The following ITPR1 variants were observed in gnomAD, a reference collection of about 807,000 sequenced individuals.
ITPR1 encodes inositol 1,4,5-trisphosphate receptor type 1.
In ITPR1, 96 loss-of-function variants were observed where a neutral mutation model predicts 318.4. The ratio of observed to expected loss-of-function variants is 0.30; its 90% CI spans 0.26 to 0.36. The LOEUF (loss-of-function observed/expected upper bound fraction) is 0.36. ITPR1 is among the 10% of genes least tolerant of loss of function. The pLI is 1.00. For missense variants in ITPR1, 2,440 were observed against 3,460.2 expected (o/e 0.71, Z 7.40); for synonymous variants, 1,312 against 1,289.9 (o/e 1.02, Z -0.37).
At chr3:4,636,772 C>T (rs1245340721) in intron 5 of ITPR1, among the ~76,000 whole-genome samples, 1 of 152,182 alleles carries the variant, frequency 6.6e-6, no homozygotes, top group Non-Finnish European at 1.5e-5. Context: ...TATTTATTCT[C>T]CAATGTTGTT....
rs547295188 is a variant in ITPR1 at position 4,574,225 on chromosome 3, T to A, written c.163+53131T>A. On this transcript the variant is annotated intron_variant, in intron 4 of 61. Transcript: ENST00000649015. ...TCTTTTTTTTTTTTTCAGCCTCTTA[T>A]TGAAAAAAAAATTCAGGGATTGATG... Among the ~76,000 whole-genome samples, 351 of 151,922 alleles carry A rather than the reference T, an allele frequency of 2.3e-3. 2 individuals carry two copies. The highest frequency in any genetic ancestry group is 8.0e-3 in the African/African-American group (333 of 41,472).
chr3:4,605,278 ATAT>A (rs1335453249), intron 4 of ITPR1, among the ~76,000 whole-genome samples: 1 of 152,150 alleles, frequency 6.6e-6, no homozygotes, highest in African/African-American at 2.4e-5. Context: ...GGGGGACCAC[ATAT>A]TATTTTAAAA....
chr3:4,636,041 G>C (rs1158176176), intron 5 of ITPR1, among the ~76,000 whole-genome samples: 1 of 151,830 alleles, frequency 6.6e-6, no homozygotes, highest in East Asian at 1.9e-4. Flanking sequence ...TGTATTTTTA[G>C]TAGAGATGGG....
chr3:4,827,942 G>A (rs954526111), intron 60 of ITPR1, among the ~76,000 whole-genome samples: 1 of 151,942 alleles, frequency 6.6e-6, no homozygotes, highest in Non-Finnish European at 1.5e-5. Flanking sequence ...TCTTCATGAA[G>A]TCCTGTAGAT....
At chr3:4,775,536 G>A in intron 47 of ITPR1, 94 bp downstream of exon 47, 1 of 930,870 alleles carries the variant, frequency 1.1e-6, no homozygotes, top group Middle Eastern at 2.3e-4. Flanking sequence ...GCCTGTGCCT[G>A]TTGGCCTAGG....
intron 4 of ITPR1, among the ~76,000 whole-genome samples, chr3:4,554,840 T>C (rs2085968399): frequency 6.6e-6 from 1 of 152,146 alleles, no homozygotes; most frequent in African/African-American, 2.4e-5. Flanking sequence ...TGAATGATAG[T>C]GTAAATACAT....
At chr3:4,770,085 C>T (rs1217656649) in intron 46 of ITPR1, among the ~76,000 whole-genome samples, 2 of 152,180 alleles carry the variant, frequency 1.3e-5, no homozygotes, top group Non-Finnish European at 1.5e-5. Context: ...ACACTCCAGT[C>T]AGCCGTGGTA....
intron 61 of ITPR1, among the ~76,000 whole-genome samples, chr3:4,844,465 T>G (rs938022764): frequency 6.6e-6 from 1 of 152,196 alleles, no homozygotes; most frequent in African/African-American, 2.4e-5. Context: ...ACACTTGAGA[T>G]TATCCAAATT....
chr3:4,543,859 T>A (rs1429528550), intron 4 of ITPR1, among the ~76,000 whole-genome samples: 1 of 152,210 alleles, frequency 6.6e-6, no homozygotes, highest in Non-Finnish European at 1.5e-5. Flanking sequence ...ATAGGCAATA[T>A]CTTATGTAGT....
intron 57 of ITPR1, 106 bp downstream of exon 57, chr3:4,813,340 G>C (rs2049064107): frequency 1.3e-6 from 1 of 742,782 alleles, no homozygotes; most frequent in Non-Finnish European, 2.2e-6. Flanking sequence ...TCAGGAGTAA[G>C]GCTATAGCAA....
At chr3:4,517,694 G>C (rs1404071684) in intron 3 of ITPR1, among the ~76,000 whole-genome samples, 1 of 152,108 alleles carries the variant, frequency 6.6e-6, no homozygotes, top group African/African-American at 2.4e-5. Context: ...TTCTACATTT[G>C]ACCTCTCTCC....
chr3:4,504,989 C>A (rs2081298363), intron 2 of ITPR1, among the ~76,000 whole-genome samples: 1 of 151,278 alleles, frequency 6.6e-6, no homozygotes. Flanking sequence ...TGTGAAAGAC[C>A]TCATGGTTTG....
intron 4 of ITPR1, among the ~76,000 whole-genome samples, chr3:4,609,001 T>TAAAAAAAAAAAAAAAAAAAAAAA (rs56738231): frequency 1.9e-5 from 1 of 53,426 alleles, no homozygotes; most frequent in Non-Finnish European, 3.9e-5. Flanking sequence ...ACTCCGTCTT[T>TAAAAAAAAAAAAAAAAAAAAAAA]AAAAAAAAAA....
intron 10 of ITPR1, among the ~76,000 whole-genome samples, chr3:4,649,988 G>A (rs2093556712): frequency 6.6e-6 from 1 of 152,158 alleles, no homozygotes; most frequent in African/African-American, 2.4e-5. Flanking sequence ...AATAATGAGA[G>A]GACACACACA....
chr3:4,670,740 C>G lies in ITPR1; in HGVS notation c.2018C>G (p.Ser673Cys). 8 of 1,588,664 alleles carry G rather than the reference C, an allele frequency of 5.0e-6. No individual in the cohort carries two copies. The highest frequency in any genetic ancestry group is 6.9e-6 in the Non-Finnish European group (8 of 1,166,204). ...DILIETKLVL[S>C]RFEFEGVSST... Reference sequence around the variant, plus strand: ...CTCTTGTTTTCTAGGTTGGTTCTTTCTCGTTTTGAATTTGAAGGTGTCTCT... The same window carrying G: ...CTCTTGTTTTCTAGGTTGGTTCTTTGTCGTTTTGAATTTGAAGGTGTCTCT... The change falls in exon 20 of 62, where the codon TCT becomes TGT. Residue 673 changes from serine to cysteine, a missense_variant. Ser to Cys is a moderately radical substitution (Grantham distance 112). This residue lies in a region of ITPR1 where 478 missense variants were observed against 696.3 expected (regional missense o/e 0.69). Transcript: ENST00000649015.
intron 4 of ITPR1, among the ~76,000 whole-genome samples, chr3:4,593,485 T>C (rs914331093): frequency 2.0e-5 from 3 of 152,222 alleles, no homozygotes; most frequent in Admixed American, 6.5e-5. Context: ...TTGCATTTTA[T>C]AGTTTGTCTA....
intron 7 of ITPR1, among the ~76,000 whole-genome samples, chr3:4,642,471 A>G (rs1269206227): frequency 6.6e-6 from 1 of 152,214 alleles, no homozygotes; most frequent in Non-Finnish European, 1.5e-5. Context: ...GATGTCTGAA[A>G]ACATTGTATG....
chr3:4,712,993 A>C (rs183576369), intron 39 of ITPR1, among the ~76,000 whole-genome samples: 111 of 152,288 alleles, frequency 7.3e-4, no homozygotes, highest in African/African-American at 2.6e-3. Flanking sequence ...AAATGATGGA[A>C]GTGAAGACCC....
intron 5 of ITPR1, among the ~76,000 whole-genome samples, chr3:4,638,515 A>G (rs1023175160): frequency 6.6e-6 from 1 of 152,230 alleles, no homozygotes; most frequent in African/African-American, 2.4e-5. Context: ...AGCATGTCAC[A>G]TTTGGAATGG....
Sources: allele counts gnomAD v4.1 joint callset (sites outside exome capture counted in the v4.1 genomes callset), GRCh38; gene constraint gnomAD v4.1.1; regional missense constraint gnomAD v4.1.1; transcripts MANE v1.5; gene names NCBI Gene and HGNC (gene_info 2026-07-23, HGNC 2026-07-21).